PRKCE: variants seen among roughly 807,000 people sequenced by gnomAD.
The protein encoded by PRKCE is protein kinase C epsilon.
In PRKCE, 16 loss-of-function variants were observed where a neutral mutation model predicts 85.4. That is an observed-to-expected ratio of 0.19 (90% CI 0.13 to 0.28). The LOEUF (loss-of-function observed/expected upper bound fraction) is 0.28, where lower values mean the gene tolerates loss of function less well. PRKCE is among the 10% of genes least tolerant of loss of function. The pLI is 1.00. For synonymous variants in PRKCE, 388 were observed against 371.5 expected (o/e 1.04, Z -0.51); for missense variants, 573 against 975.2 (o/e 0.59, Z 5.49).
At chr2:45,864,015 G>C (rs756974354) in intron 2 of PRKCE, among the ~76,000 whole-genome samples, 1 of 152,166 alleles carries the variant, frequency 6.6e-6, no homozygotes, top group Non-Finnish European at 1.5e-5. Context: ...TTCCTTGTTT[G>C]TAGAATGGCA....
chr2:45,821,326 C>T (rs1421268857), intron 1 of PRKCE, among the ~76,000 whole-genome samples: 1 of 152,192 alleles, frequency 6.6e-6, no homozygotes, highest in Non-Finnish European at 1.5e-5. Flanking sequence ...CCACCATAGC[C>T]TGGAGTGGAC....
intron 13 of PRKCE, among the ~76,000 whole-genome samples, chr2:46,152,577 G>A (rs1676752574): frequency 6.6e-6 from 1 of 150,422 alleles, no homozygotes. Context: ...AAGATGGAGT[G>A]TTGCTTTGTT....
intron 11 of PRKCE, among the ~76,000 whole-genome samples, chr2:46,121,204 G>A (rs1174142964): frequency 6.6e-6 from 1 of 152,132 alleles, no homozygotes; most frequent in Non-Finnish European, 1.5e-5. Flanking sequence ...AACTTTTATG[G>A]GGATGTTTAT....
intron 1 of PRKCE, among the ~76,000 whole-genome samples, chr2:45,753,995 T>G (rs1683798050): frequency 6.6e-6 from 1 of 152,248 alleles, no homozygotes; most frequent in Non-Finnish European, 1.5e-5. Flanking sequence ...AAAAGGTCTT[T>G]GCAGTTGAAT....
chr2:45,823,565 G>A (rs1573499432), intron 1 of PRKCE, among the ~76,000 whole-genome samples: 1 of 152,202 alleles, frequency 6.6e-6, no homozygotes, highest in African/African-American at 2.4e-5. Flanking sequence ...ACTCCAGATA[G>A]TCACTCCACA....
chr2:46,182,564 C>A (rs1004007968), intron 14 of PRKCE, among the ~76,000 whole-genome samples: 3 of 152,128 alleles, frequency 2.0e-5, no homozygotes, highest in African/African-American at 7.2e-5. Context: ...GTGTGTCCCC[C>A]CCTTCCCCCT....
At chr2:46,091,370 C>T (rs56203034) in intron 11 of PRKCE, among the ~76,000 whole-genome samples, 51,386 of 152,016 alleles carry the variant, frequency 0.34, 8,971 homozygotes, top group East Asian at 0.52. Context: ...TGTTAGTCTC[C>T]GAGCTGCTCA....
At chr2:45,836,579 G>A (rs1690894642) in intron 1 of PRKCE, among the ~76,000 whole-genome samples, 1 of 152,312 alleles carries the variant, frequency 6.6e-6, no homozygotes, top group Admixed American at 6.5e-5. Flanking sequence ...CCCATGCCAG[G>A]TGGGTCTGGG....
At chr2:45,946,060 A>G (rs982974185) in intron 2 of PRKCE, among the ~76,000 whole-genome samples, 1 of 152,248 alleles carries the variant, frequency 6.6e-6, no homozygotes, top group East Asian at 1.9e-4. Flanking sequence ...TCTGGACAGG[A>G]TTGGTTATGA....
intron 1 of PRKCE, among the ~76,000 whole-genome samples, chr2:45,776,936 A>T (rs948873602): frequency 6.6e-6 from 1 of 151,284 alleles, no homozygotes; most frequent in Non-Finnish European, 1.5e-5. Flanking sequence ...GAAAGTTATC[A>T]TTTTTTTTTT....
At chr2:45,851,795 A>C (rs1290091175) in intron 2 of PRKCE, 6 of 152,246 alleles carry the variant, frequency 3.9e-5, no homozygotes, top group Non-Finnish European at 7.3e-5. Context: ...AACTCCACAA[A>C]GAATGCTCTC....
chr2:46,043,300 G>A (rs1708323937), intron 10 of PRKCE, among the ~76,000 whole-genome samples: 1 of 152,036 alleles, frequency 6.6e-6, no homozygotes, highest in African/African-American at 2.4e-5. Context: ...TGTGAAATAT[G>A]TTATATAACT....
chr2:45,671,688 A>G (rs1676167612), intron 1 of PRKCE, among the ~76,000 whole-genome samples: 1 of 152,212 alleles, frequency 6.6e-6, no homozygotes, highest in African/African-American at 2.4e-5. Context: ...TAAATCTGCT[A>G]TATAATAAGA....
intron 1 of PRKCE, among the ~76,000 whole-genome samples, chr2:45,792,193 A>C (rs1006642505): frequency 6.6e-6 from 1 of 152,082 alleles, no homozygotes; most frequent in East Asian, 1.9e-4. Flanking sequence ...CAAAGAGGCC[A>C]AACCTGAGGG....
intron 2 of PRKCE, among the ~76,000 whole-genome samples, chr2:45,891,602 T>A (rs543522226): frequency 6.6e-6 from 1 of 152,322 alleles, no homozygotes; most frequent in East Asian, 1.9e-4. Flanking sequence ...GAAAATTGTG[T>A]TGGACTCCTT....
intron 1 of PRKCE, among the ~76,000 whole-genome samples, chr2:45,702,999 G>C (rs539569363): frequency 1.4e-5 from 2 of 147,550 alleles, no homozygotes; most frequent in South Asian, 4.5e-4. Context: ...CTATTATCAA[G>C]TTTTCTTGAG....
chr2:45,907,567 T>G lies in PRKCE; in HGVS notation c.412+64504T>G, dbSNP rs1023147451. On this transcript the variant is annotated intron_variant, in intron 2 of 14. Coordinates refer to ENST00000306156, the MANE Select transcript of PRKCE (RefSeq NM_005400.3). This position sits in a 1 kb window ranked among gnomAD's most constrained non-coding sequence, Gnocchi z 4.5. Reference sequence around the variant, plus strand: ...AGTGGCATAGCAGGCAGTGAGCGTGTGCCCAAGCCTGCTTCCCATGTCACG... The same window carrying G: ...AGTGGCATAGCAGGCAGTGAGCGTGGGCCCAAGCCTGCTTCCCATGTCACG... Among the ~76,000 whole-genome samples, 1 of 152,218 alleles carries G rather than the reference T, an allele frequency of 6.6e-6. No homozygotes were observed. Among genetic ancestry groups the G allele is most frequent in the Non-Finnish European group, 1.5e-5 (1 of 68,024 alleles).
chr2:45,795,460 C>G (rs528616315), intron 1 of PRKCE, among the ~76,000 whole-genome samples: 5 of 152,100 alleles, frequency 3.3e-5, no homozygotes, highest in African/African-American at 9.7e-5. Context: ...AGGTGCCCAC[C>G]ACCACGCCTG....
chr2:45,778,167 G>C (rs1188694540), intron 1 of PRKCE, among the ~76,000 whole-genome samples: 2 of 152,158 alleles, frequency 1.3e-5, no homozygotes, highest in Non-Finnish European at 2.9e-5. Flanking sequence ...TTGGTGGGTG[G>C]AGTTTAAGCC....
Sources: allele counts gnomAD v4.1 joint callset (sites outside exome capture counted in the v4.1 genomes callset), GRCh38; gene constraint gnomAD v4.1.1; non-coding constraint Gnocchi (gnomAD v3.1); transcripts MANE v1.5; gene names NCBI Gene and HGNC (gene_info 2026-07-23, HGNC 2026-07-21).